Variants in CCDC85A observed in about 807,000 individuals in gnomAD.
The protein encoded by CCDC85A is coiled-coil domain-containing protein 85A.
CCDC85A carries 38 observed loss-of-function variants against 50.2 expected under a neutral mutation model. That is an observed-to-expected ratio of 0.76 (90% CI 0.58 to 0.99). CCDC85A has a LOEUF of 0.99. Among genes scored for constraint, CCDC85A ranks in the 50% least tolerant of loss-of-function variants. CCDC85A has a pLI of 0.00. For synonymous variants in CCDC85A, 366 were observed against 301.4 expected (o/e 1.21, Z -2.22); for missense variants, 820 against 742.0 (o/e 1.11, Z -1.22).
chr2:56,204,036 A>T (rs949672618), intron 2 of CCDC85A, among the ~76,000 whole-genome samples: 1 of 152,172 alleles, frequency 6.6e-6, no homozygotes, highest in African/African-American at 2.4e-5. Context: ...TAATTTATCC[A>T]TCAAGCAAGG....
At chr2:56,302,939 G>GCC (rs1672274227) in intron 2 of CCDC85A, among the ~76,000 whole-genome samples, 2 of 152,112 alleles carry the variant, frequency 1.3e-5, no homozygotes, top group Admixed American at 1.3e-4. Flanking sequence ...GGGCATTTTA[G>GCC]CTGTGAAAAC....
At chr2:56,377,447 G>C (rs1175041821) in intron 5 of CCDC85A, among the ~76,000 whole-genome samples, 1 of 152,104 alleles carries the variant, frequency 6.6e-6, no homozygotes, top group African/African-American at 2.4e-5. Flanking sequence ...TATTCAAACT[G>C]TTTGAAAGCC....
At chr2:56,277,618 G>A (rs967666838) in intron 2 of CCDC85A, among the ~76,000 whole-genome samples, 2 of 152,158 alleles carry the variant, frequency 1.3e-5, no homozygotes, top group East Asian at 1.9e-4. Context: ...TGAAACCCTC[G>A]ATAGACTTCA....
chr2:56,222,373 A>G (rs1239755239), intron 2 of CCDC85A, among the ~76,000 whole-genome samples: 1 of 152,112 alleles, frequency 6.6e-6, no homozygotes, highest in Non-Finnish European at 1.5e-5. Context: ...AATGACTTCC[A>G]ACTTTTAAAA....
intron 1 of CCDC85A, among the ~76,000 whole-genome samples, chr2:56,190,576 TG>T (rs1676252597): frequency 6.6e-6 from 1 of 152,182 alleles, no homozygotes; most frequent in African/African-American, 2.4e-5. Flanking sequence ...TATAGAATGG[TG>T]TCTATGGGGA....
At chr2:56,191,010 G>A (rs191440527) in intron 1 of CCDC85A, among the ~76,000 whole-genome samples, 1 of 152,100 alleles carries the variant, frequency 6.6e-6, no homozygotes, top group East Asian at 1.9e-4. Flanking sequence ...TCCCATGTCC[G>A]TTGACTTGCT....
chr2:56,187,191 AT>A (rs148731846), intron 1 of CCDC85A, among the ~76,000 whole-genome samples: 4 of 151,626 alleles, frequency 2.6e-5, no homozygotes, highest in African/African-American at 7.3e-5. Context: ...GAAAAGAAGT[AT>A]TTTTTTTTGT....
intron 5 of CCDC85A, 49 bp downstream of exon 5, chr2:56,375,984 G>A (rs765415499): frequency 7.6e-6 from 12 of 1,588,610 alleles, no homozygotes; most frequent in South Asian, 4.5e-5. Flanking sequence ...TTGTGTCGTC[G>A]CTTGTTCGCT....
chr2:56,242,782 G>T (rs1669320562), intron 2 of CCDC85A, among the ~76,000 whole-genome samples: 1 of 152,042 alleles, frequency 6.6e-6, no homozygotes, highest in Non-Finnish European at 1.5e-5. Flanking sequence ...GATCTGATTT[G>T]TCCATTTTTG....
intron 2 of CCDC85A, among the ~76,000 whole-genome samples, chr2:56,270,691 A>G (rs942816789): frequency 2.0e-5 from 3 of 152,178 alleles, no homozygotes; most frequent in African/African-American, 4.8e-5. Context: ...GGATATTGCA[A>G]TGGCTCTCAA....
At chr2:56,263,581 T>A (rs1573126119) in intron 2 of CCDC85A, among the ~76,000 whole-genome samples, 1 of 152,128 alleles carries the variant, frequency 6.6e-6, no homozygotes, top group Non-Finnish European at 1.5e-5. Context: ...AAGCTGGGTG[T>A]GAGGGGGTGT....
intron 2 of CCDC85A, among the ~76,000 whole-genome samples, chr2:56,269,024 C>T (rs762782914): frequency 6.6e-6 from 1 of 152,136 alleles, no homozygotes; most frequent in Non-Finnish European, 1.5e-5. Flanking sequence ...TTTCCATAGA[C>T]TAGTTTTTGG....
At chr2:56,344,570 A>G (rs1199871872) in intron 3 of CCDC85A, among the ~76,000 whole-genome samples, 1 of 152,222 alleles carries the variant, frequency 6.6e-6, no homozygotes, top group Non-Finnish European at 1.5e-5. Context: ...ATGTGTTAAA[A>G]TTCATGATGA....
At position 56,375,953 on chromosome 2, in the gene CCDC85A, A is replaced by G. The variant is rs768308843; in HGVS notation, c.1572+18A>G. ...CTCTTAAGGTAACCAATCGTGTGCA[A>G]CCATTTATCCAGAGCTTCAGTTGTG... On this transcript the variant is annotated intron_variant, in intron 5 of 5. Coordinates refer to ENST00000407595, the MANE Select transcript of CCDC85A (RefSeq NM_001080433.2). The G allele has an allele frequency of 3.7e-6, 6 of 1,609,654 alleles. No individual in the cohort carries two copies. The highest frequency in any genetic ancestry group is 2.2e-5 in the South Asian group (2 of 90,662).
At chr2:56,320,805 C>A (rs1673142656) in intron 2 of CCDC85A, among the ~76,000 whole-genome samples, 1 of 152,116 alleles carries the variant, frequency 6.6e-6, no homozygotes, top group African/African-American at 2.4e-5. Context: ...CCAACATCAT[C>A]CTGATATCAA....
chr2:56,372,303 T>C (rs1676112425), intron 3 of CCDC85A, 41 bp from the exon 4 acceptor site: 2 of 1,475,122 alleles, frequency 1.4e-6, no homozygotes, highest in African/African-American at 1.4e-5. Context: ...TGGGAAACAG[T>C]ATTTTTCTGA....
chr2:56,375,820 CT>C lies in CCDC85A; in HGVS notation c.1461del (p.Phe487LeufsTer115), dbSNP rs1573370029. The C allele has an allele frequency of 1.9e-6, 3 of 1,613,206 alleles. No homozygotes were observed. Among genetic ancestry groups the C allele is most frequent in the Non-Finnish European group, 2.5e-6 (3 of 1,179,572 alleles). On this transcript the variant is annotated frameshift_variant, in exon 5 of 6. Coordinates refer to ENST00000407595, the MANE Select transcript of CCDC85A (RefSeq NM_001080433.2). LOFTEE classifies it high-confidence loss of function. ...IGRCLPTLPG[S>X]FRLSSGADGS... ...AGTTGTTGATTTTCTACTAAGGGTT[CT>C]TTTAGGTTGTCATCAGGGGCTGATG...
chr2:56,379,907 A>G (rs55874014), intron 5 of CCDC85A: 48 of 511,568 alleles, frequency 9.4e-5, no homozygotes, highest in Non-Finnish European at 1.2e-4. Flanking sequence ...TAGCTTAGCT[A>G]TTGTTTTATG....
intron 2 of CCDC85A, among the ~76,000 whole-genome samples, chr2:56,314,981 T>A (rs1402628760): frequency 6.6e-6 from 1 of 152,108 alleles, no homozygotes; most frequent in Non-Finnish European, 1.5e-5. Context: ...CTGGTGTTGG[T>A]CTTAAAGTCA....
Sources: gnomAD v4.1 joint callset for allele counts (sites outside exome capture counted in the v4.1 genomes callset) on GRCh38, gnomAD v4.1.1 for gene constraint, MANE v1.5 for transcripts, NCBI Gene and HGNC (gene_info 2026-07-23, HGNC 2026-07-21) for gene names.